AGO2: variants seen among roughly 807,000 people sequenced by gnomAD.
AGO2 encodes argonaute RISC catalytic component 2.
Under a neutral mutation model 102.3 loss-of-function variants are expected in AGO2, and 5 were observed. The observed-to-expected ratio is 0.05, with a 90% CI of 0.03 to 0.10. The LOEUF is 0.10. Ranked by LOEUF, AGO2 falls within the 10% of genes least tolerant of loss-of-function variation. The pLI is 1.00. For missense variants in AGO2, 541 were observed against 1,183.7 expected (o/e 0.46, Z 7.97); for synonymous variants, 449 against 473.1 (o/e 0.95, Z 0.66).
intron 14 of AGO2, among the ~76,000 whole-genome samples, chr8:140,542,421 T>C (rs1263162613): frequency 1.3e-5 from 2 of 152,148 alleles, no homozygotes; most frequent in Non-Finnish European, 2.9e-5. Flanking sequence ...CTATAATTTT[T>C]CTCTTAAACC....
rs1013312425 is a variant in AGO2 at position 140,531,677 on chromosome 8, T to C, written c.*367A>G. 1.0e-4 allele frequency: 18 copies of C among 179,888 alleles called. No homozygotes were observed. Among genetic ancestry groups the C allele is most frequent in the African/African-American group, 3.5e-4 (15 of 42,304 alleles). 11.1% of individuals were successfully genotyped at this position (179,888 alleles called of 1,614,324 possible). On this transcript the variant is annotated 3_prime_UTR_variant, in exon 19 of 19. Coordinates refer to ENST00000220592, the MANE Select transcript of AGO2 (RefSeq NM_012154.5). ...AGCTAGTTTGAGCCCATCAATTTCA[T>C]AGAGAATCATGTATTAAAAACAAGT... is the stretch of plus-strand genomic sequence containing the variant.
At chr8:140,641,635 G>A in the AGO2 span, among the ~76,000 whole-genome samples, 1 of 152,194 alleles carries the variant, frequency 6.6e-6, no homozygotes, top group Admixed American at 6.5e-5. Context: ...CTGGGCTGGA[G>A]TGCAGTGGCA....
chr8:140,581,382 C>T (rs2073554245), intron 2 of AGO2, among the ~76,000 whole-genome samples: 1 of 152,152 alleles, frequency 6.6e-6, no homozygotes, highest in South Asian at 2.1e-4. Context: ...GGTGTGGTGG[C>T]GCATGCCTGC....
At position 140,568,287 on chromosome 8, in the gene AGO2, G is replaced by GAAAAAAAAAA. The variant is rs4058201; in HGVS notation, c.336+4515_336+4524dup. 3.8e-5 allele frequency among the ~76,000 whole-genome samples: 5 copies of GAAAAAAAAAA among 132,074 alleles called. 1 individual carries two copies. Among genetic ancestry groups the GAAAAAAAAAA allele is most frequent in the East Asian group, 2.2e-4 (1 of 4,534 alleles). 86.6% of individuals were successfully genotyped at this position (132,074 alleles called of 152,430 possible). A position where few individuals can be genotyped will look rare whatever the true frequency, so the allele number is the denominator to read the frequency against. ...TGACAGAGCGAGACCATGTCTGGGG[G>GAAAAAAAAAA]AAAAAAAAAAAAAGAGAGAGCACAA... is the stretch of plus-strand genomic sequence containing the variant. On this transcript the variant is annotated intron_variant, in intron 3 of 18. Transcript: ENST00000220592.
chr8:140,581,546 G>C (rs2073557418), intron 2 of AGO2, among the ~76,000 whole-genome samples: 1 of 152,024 alleles, frequency 6.6e-6, no homozygotes, highest in African/African-American at 2.4e-5. Flanking sequence ...TGTGTATACT[G>C]CTTTATGCTC....
rs1453565560 is a variant in AGO2, at chr8:140,523,207, G to C, written c.*8837C>G. 12 of 152,134 alleles carry C rather than the reference G, an allele frequency of 7.9e-5. No homozygotes were observed. In the East Asian group the frequency reaches 2.3e-3, roughly 29 times the overall value. The allele number at this position is 152,134 out of a possible 1,614,324, so 9.4% of individuals were successfully genotyped here. A position where few individuals can be genotyped will look rare whatever the true frequency, so the allele number is the denominator to read the frequency against. ...GAAACAAGCCCACAGACAATACATAGAGTACCACCTGAAACGAGGCCCTTG... is the reference window on the plus strand; with the variant it reads ...GAAACAAGCCCACAGACAATACATACAGTACCACCTGAAACGAGGCCCTTG... On this transcript the variant is annotated 3_prime_UTR_variant, in exon 19 of 19. Transcript: ENST00000220592.
intron 17 of AGO2, among the ~76,000 whole-genome samples, chr8:140,532,948 A>G (rs980129110): frequency 1.3e-5 from 2 of 151,522 alleles, no homozygotes; most frequent in African/African-American, 2.4e-5. Flanking sequence ...CGGTGAGCCG[A>G]GATCACGCCA....
rs1005082593 is a variant in AGO2 at position 140,605,555 on chromosome 8, C to T, written c.23-20244G>A. Among the ~76,000 whole-genome samples, 5 of 152,182 alleles carry T rather than the reference C, an allele frequency of 3.3e-5. No individual in the cohort carries two copies. In the East Asian group the frequency reaches 5.8e-4, roughly 18 times the overall value. On this transcript the variant is annotated intron_variant, in intron 1 of 18. Coordinates refer to ENST00000220592, the MANE Select transcript of AGO2 (RefSeq NM_012154.5). ...ACCAGGCCAGGTGTGTCTGAGGCTG[C>T]GCAAGGCCACCACTGCTGTCTTCTA...
upstream of AGO2, among the ~76,000 whole-genome samples, chr8:140,638,654 AG>A (rs1348249300): frequency 1.3e-5 from 2 of 152,228 alleles, no homozygotes; most frequent in African/African-American, 2.4e-5. Flanking sequence ...AGCTCATTGC[AG>A]CCTTGACTTC....
chr8:140,604,850 G>A lies in AGO2; in HGVS notation c.23-19539C>T, dbSNP rs539351523. Among the ~76,000 whole-genome samples the A allele has an allele frequency of 2.4e-3, 370 of 151,508 alleles. 1 individual carries two copies. Among genetic ancestry groups the A allele is most frequent in the African/African-American group, 8.4e-3 (348 of 41,292 alleles). On this transcript the variant is annotated intron_variant, in intron 1 of 18. Transcript: ENST00000220592. The stretch of plus-strand genomic sequence containing the variant: ...TCAAAAAAAAAAAAGGCATTTTCAA[G>A]ACAACTGGGAAAACCCGTGACTGTA...
chr8:140,577,849 T>G (rs1350124607), intron 2 of AGO2, among the ~76,000 whole-genome samples: 3 of 152,224 alleles, frequency 2.0e-5, no homozygotes, highest in Admixed American at 2.0e-4. Flanking sequence ...GCACTCGGCA[T>G]GATCACTCCG....
rs981796171 is a variant in AGO2, at chr8:140,531,743, T to C, written c.*301A>G. 2 of 247,496 alleles carry C rather than the reference T, an allele frequency of 8.1e-6. No individual in the cohort carries two copies. The highest frequency in any genetic ancestry group is 1.4e-3 in the Middle Eastern group (1 of 712). The allele number at this position is 247,496 out of a possible 1,614,324, so 15.3% of individuals were successfully genotyped here. The stretch of plus-strand genomic sequence containing the variant: ...ATAAATTAAAAATGTTTTAAAGCCC[T>C]GAGTTCATAGACTGGTTTTAGGAGA... On this transcript the variant is annotated 3_prime_UTR_variant, in exon 19 of 19. Coordinates refer to ENST00000220592, the MANE Select transcript of AGO2 (RefSeq NM_012154.5).
At chr8:140,608,232 T>G (rs2074030183) in intron 1 of AGO2, among the ~76,000 whole-genome samples, 1 of 152,132 alleles carries the variant, frequency 6.6e-6, no homozygotes, top group African/African-American at 2.4e-5. Flanking sequence ...ACTTGGCACT[T>G]TTTACGCTGC....
chr8:140,585,801 T>G (rs980694003), intron 1 of AGO2, among the ~76,000 whole-genome samples: 1 of 152,220 alleles, frequency 6.6e-6, no homozygotes, highest in African/African-American at 2.4e-5. Context: ...CTTTCAATTT[T>G]CACTCAAATG....
chr8:140,611,627 C>T (rs901243356), intron 1 of AGO2, among the ~76,000 whole-genome samples: 22 of 152,064 alleles, frequency 1.4e-4, no homozygotes, highest in African/African-American at 4.6e-4. Flanking sequence ...TGTGCCTGGC[C>T]GTGCCTGGTC....
intron 7 of AGO2, 88 bp downstream of exon 7, chr8:140,558,397 T>C (rs1282738113): frequency 2.9e-6 from 4 of 1,393,384 alleles, no homozygotes; most frequent in African/African-American, 2.9e-5. Flanking sequence ...TTCTGGAGAA[T>C]GGGCACAGAA....
chr8:140,556,460 C>A (rs2073095812), intron 8 of AGO2, among the ~76,000 whole-genome samples, 174 bp from the exon 9 acceptor site: 1 of 152,254 alleles, frequency 6.6e-6, no homozygotes, highest in East Asian at 1.9e-4. Context: ...CGGCCTTCCG[C>A]TTCACAACAG....
chr8:140,616,899 T>G (rs1278461901), intron 1 of AGO2, among the ~76,000 whole-genome samples: 1 of 152,236 alleles, frequency 6.6e-6, no homozygotes, highest in Non-Finnish European at 1.5e-5. Flanking sequence ...CAGCACTGAC[T>G]GCGTCCAGCG....
chr8:140,625,251 G>A (rs1806537), intron 1 of AGO2, among the ~76,000 whole-genome samples: 1,924 of 152,264 alleles, frequency 0.013, 43 homozygotes, highest in African/African-American at 0.044. Context: ...AATTACAGGC[G>A]CCTGCCACCA....
Sources: gnomAD v4.1 joint callset for allele counts (sites outside exome capture counted in the v4.1 genomes callset) on GRCh38, gnomAD v4.1.1 for gene constraint, MANE v1.5 for transcripts, NCBI Gene and HGNC (gene_info 2026-07-23, HGNC 2026-07-21) for gene names.